IGFBP7: variants seen among roughly 807,000 people sequenced by gnomAD.
IGFBP7 encodes insulin-like growth factor-binding protein 7.
A neutral mutation model predicts 29.4 loss-of-function variants in IGFBP7; 31 were observed. The ratio of observed to expected loss-of-function variants is 1.05; its 90% confidence interval spans 0.79 to 1.42. IGFBP7 has a LOEUF of 1.42. IGFBP7 is among the 40% of genes most tolerant of loss of function. The pLI, the probability that IGFBP7 is intolerant of heterozygous loss-of-function variation, is 0.00. For missense variants in IGFBP7, 393 were observed against 395.5 expected (o/e 0.99, Z 0.05); for synonymous variants, 172 against 174.9 (o/e 0.98, Z 0.13).
At chr4:57,105,720 C>G (rs1287485622) in intron 1 of IGFBP7, among the ~76,000 whole-genome samples, 1 of 152,172 alleles carries the variant, frequency 6.6e-6, no homozygotes, top group Non-Finnish European at 1.5e-5. Flanking sequence ...ATCTTAACTT[C>G]TCTGCTATAC....
rs146349794 is a variant in IGFBP7 at position 57,071,038 on chromosome 4, C to T, written c.476-30105G>A. ...TCTGCTCTGAACACACCTGGCCCTG[C>T]AAGTTACTGAAGTCCCGAGGGTCCA... On this transcript the variant is annotated intron_variant, in intron 1 of 4. Transcript: ENST00000295666. Among the ~76,000 whole-genome samples, 1,067 of 152,288 alleles carry T rather than the reference C, an allele frequency of 7.0e-3. 14 individuals carry two copies. The highest frequency in any genetic ancestry group is 0.024 in the African/African-American group (1,015 of 41,556).
chr4:57,032,232 GAT>G, intron 4 of IGFBP7, 192 bp downstream of exon 4: 1 of 1,383,054 alleles, frequency 7.2e-7, no homozygotes, highest in Non-Finnish European at 9.4e-7. Context: ...TCATAATAAC[GAT>G]GTTCAGTCAC....
intron 1 of IGFBP7, among the ~76,000 whole-genome samples, chr4:57,105,066 C>T (rs1421874745): frequency 6.6e-6 from 1 of 152,130 alleles, no homozygotes; most frequent in Admixed American, 6.5e-5. Flanking sequence ...GGAAGACAGA[C>T]ATTCAAAGAG....
chr4:57,055,163 C>T (rs371502127), intron 1 of IGFBP7, among the ~76,000 whole-genome samples: 56 of 150,990 alleles, frequency 3.7e-4, no homozygotes, highest in Non-Finnish European at 7.2e-4. Flanking sequence ...GCAGCAGACA[C>T]GCAGAGCCTC....
At chr4:57,074,959 G>C (rs1336060136) in intron 1 of IGFBP7, among the ~76,000 whole-genome samples, 1 of 152,228 alleles carries the variant, frequency 6.6e-6, no homozygotes, top group Non-Finnish European at 1.5e-5. Flanking sequence ...GCCATGTGGG[G>C]AAATCCGTGC....
intron 3 of IGFBP7, 151 bp downstream of exon 3, chr4:57,033,044 G>C (rs1372367257): frequency 6.8e-6 from 5 of 730,228 alleles, no homozygotes; most frequent in Non-Finnish European, 1.0e-5. Flanking sequence ...TTCTCTGAAA[G>C]AGGAGCAGCG....
intron 1 of IGFBP7, among the ~76,000 whole-genome samples, chr4:57,044,837 CAAG>C (rs1724320083): frequency 6.6e-6 from 1 of 152,116 alleles, no homozygotes; most frequent in Non-Finnish European, 1.5e-5. Flanking sequence ...CTTACTATTC[CAAG>C]AAGCAGAACA....
intron 2 of IGFBP7, among the ~76,000 whole-genome samples, chr4:57,034,183 T>C (rs371515312): frequency 6.6e-6 from 1 of 152,234 alleles, no homozygotes. Context: ...GCAAGGCCAA[T>C]ACTGAATAGT....
chr4:57,073,611 A>G (rs963778174), intron 1 of IGFBP7, among the ~76,000 whole-genome samples: 2 of 152,100 alleles, frequency 1.3e-5, no homozygotes, highest in South Asian at 4.1e-4. Flanking sequence ...AAAAAATTAA[A>G]TAAATAAATA....
chr4:57,034,061 A>C (rs188842192), intron 2 of IGFBP7, among the ~76,000 whole-genome samples: 2,475 of 151,196 alleles, frequency 0.016, 87 homozygotes, highest in African/African-American at 0.057. Context: ...AAAAAAAAAA[A>C]AAAAAAACAG....
chr4:57,064,903 C>A (rs116366090), intron 1 of IGFBP7, among the ~76,000 whole-genome samples: 1 of 152,220 alleles, frequency 6.6e-6, no homozygotes, highest in African/African-American at 2.4e-5. Flanking sequence ...GGAAACAGTG[C>A]GAAGCTAAGA....
intron 2 of IGFBP7, among the ~76,000 whole-genome samples, chr4:57,039,959 A>C (rs538231913): frequency 1.3e-5 from 2 of 151,722 alleles, no homozygotes; most frequent in Non-Finnish European, 2.9e-5. Context: ...TCCATTTGGG[A>C]AGTCATTTCA....
At chr4:57,044,711 T>C (rs1172220116) in intron 1 of IGFBP7, among the ~76,000 whole-genome samples, 3 of 152,224 alleles carry the variant, frequency 2.0e-5, no homozygotes, top group Non-Finnish European at 4.4e-5. Context: ...TCTTTTCCAC[T>C]GGTCTATGTG....
chr4:57,103,970 G>A (rs370343059), intron 1 of IGFBP7, among the ~76,000 whole-genome samples: 3 of 151,990 alleles, frequency 2.0e-5, no homozygotes, highest in African/African-American at 7.3e-5. Context: ...AACCAAACTT[G>A]TGTGTCCTTT....
Position 57,093,499 on chromosome 4 carries a change from C to CA in IGFBP7, c.475+16377dup, listed in dbSNP as rs538065423. Among the ~76,000 whole-genome samples, 812 of 109,920 alleles carry CA rather than the reference C, an allele frequency of 7.4e-3. 2 individuals are homozygous for CA. The highest frequency in any genetic ancestry group is 0.027 in the Middle Eastern group (5 of 184). The allele number at this position is 109,920 out of a possible 152,430, so 72.1% of individuals were successfully genotyped here. A position where few individuals can be genotyped will look rare whatever the true frequency, so the allele number is the denominator to read the frequency against. ...TGGGCAACAGAGCAAGACTCTGTCT[C>CA]AAAAAAAAAAAAAAAGAATTTAAAA... On this transcript the variant is annotated intron_variant, in intron 1 of 4. Coordinates refer to ENST00000295666, the MANE Select transcript of IGFBP7 (RefSeq NM_001553.3).
chr4:57,057,162 T>A (rs1245399431), intron 1 of IGFBP7, among the ~76,000 whole-genome samples: 2 of 152,110 alleles, frequency 1.3e-5, no homozygotes, highest in African/African-American at 4.8e-5. Flanking sequence ...CATACCACCA[T>A]CCCTGGCTAA....
At chr4:57,043,973 G>A (rs1724294321) in intron 1 of IGFBP7, among the ~76,000 whole-genome samples, 1 of 152,202 alleles carries the variant, frequency 6.6e-6, no homozygotes, top group African/African-American at 2.4e-5. Context: ...ATGCTGCTCT[G>A]TTCTCCTTCC....
chr4:57,085,996 A>G (rs1725488650), intron 1 of IGFBP7, among the ~76,000 whole-genome samples: 1 of 152,092 alleles, frequency 6.6e-6, no homozygotes, highest in African/African-American at 2.4e-5. Flanking sequence ...GTATTAGTCC[A>G]TTTTCACACT....
intron 1 of IGFBP7, among the ~76,000 whole-genome samples, chr4:57,063,001 T>C (rs1413249431): frequency 6.6e-6 from 1 of 152,130 alleles, no homozygotes; most frequent in Non-Finnish European, 1.5e-5. Context: ...CCCAGCCTCA[T>C]TTCTTGCCAC....
Sources: gnomAD v4.1 joint callset for allele counts (sites outside exome capture counted in the v4.1 genomes callset) on GRCh38, gnomAD v4.1.1 for gene constraint, MANE v1.5 for transcripts, NCBI Gene and HGNC (gene_info 2026-07-23, HGNC 2026-07-21) for gene names.